The following PNLIPRP3 variants were observed in gnomAD, a reference collection of about 807,000 sequenced individuals.
PNLIPRP3 encodes the protein pancreatic lipase related protein 3.
PNLIPRP3 carries 58 observed loss-of-function variants against 52.8 expected under a neutral mutation model. The observed-to-expected ratio is 1.10, with a 90% CI of 0.89 to 1.37. The LOEUF (loss-of-function observed/expected upper bound fraction) is 1.37. Among genes scored for constraint, PNLIPRP3 ranks in the 40% most tolerant of loss-of-function variants. The pLI, the probability that PNLIPRP3 is intolerant of heterozygous loss-of-function variation, is 0.00. For synonymous variants in PNLIPRP3, 192 were observed against 185.0 expected (o/e 1.04, Z -0.31); for missense variants, 593 against 561.6 (o/e 1.06, Z -0.57).
intron 1 of PNLIPRP3, among the ~76,000 whole-genome samples, chr10:116,433,114 CAAAAAAAAAAAAAA>C (rs71010080): frequency 5.1e-3 from 43 of 8,502 alleles, no homozygotes; most frequent in East Asian, 4.6e-3. Flanking sequence ...AACTCCATCT[CAAAAAAAAAAAAAA>C]AAAAAAAAAA....
intron 7 of PNLIPRP3, among the ~76,000 whole-genome samples, chr10:116,465,235 G>A (rs764208901): frequency 6.6e-6 from 1 of 152,024 alleles, no homozygotes; most frequent in Non-Finnish European, 1.5e-5. Context: ...AGCAACATTA[G>A]ATTGGTTAAA....
intron 1 of PNLIPRP3, among the ~76,000 whole-genome samples, chr10:116,430,919 G>C (rs1013013509): frequency 6.6e-6 from 1 of 152,074 alleles, no homozygotes; most frequent in South Asian, 2.1e-4. Context: ...TATATGCAAG[G>C]TAGCTCCACT....
intron 10 of PNLIPRP3, among the ~76,000 whole-genome samples, chr10:116,476,130 C>A (rs750583937): frequency 2.0e-5 from 3 of 152,068 alleles, no homozygotes; most frequent in Non-Finnish European, 4.4e-5. Context: ...GCTCTATTGC[C>A]GTGATCAACA....
intron 4 of PNLIPRP3, among the ~76,000 whole-genome samples, chr10:116,449,659 A>AT (rs1290594490): frequency 6.6e-6 from 1 of 152,206 alleles, no homozygotes; most frequent in Non-Finnish European, 1.5e-5. Context: ...TCATTATCTG[A>AT]TTTTCAATAA....
chr10:116,469,543 C>T lies in PNLIPRP3; in HGVS notation c.1060+226C>T, dbSNP rs1448757880. 7.2e-5 allele frequency among the ~76,000 whole-genome samples: 11 copies of T among 152,272 alleles called. No individual in the cohort carries two copies. In the East Asian group the frequency reaches 2.1e-3, roughly 29 times the overall value. On this transcript the variant is annotated intron_variant, in intron 9 of 11. Transcript: ENST00000369230. The stretch of plus-strand genomic sequence containing the variant: ...AATAAACTTTCTCTTAGGAAACATT[C>T]AAGATATGTGCAGAGCATAAAGGTC...
chr10:116,442,826 T>C (rs1845877162), intron 2 of PNLIPRP3, among the ~76,000 whole-genome samples: 1 of 152,164 alleles, frequency 6.6e-6, no homozygotes, highest in Non-Finnish European at 1.5e-5. Flanking sequence ...ATGGAGTCAT[T>C]GCACTTCAGC....
chr10:116,464,580 C>G (rs12255207), intron 7 of PNLIPRP3, among the ~76,000 whole-genome samples: 20,167 of 152,224 alleles, frequency 0.13, 2,438 homozygotes, highest in African/African-American at 0.32. Context: ...TGGTTCCACA[C>G]GAGGCTGTGG....
intron 5 of PNLIPRP3, among the ~76,000 whole-genome samples, chr10:116,457,442 C>A (rs1846132040): frequency 6.6e-6 from 1 of 152,028 alleles, no homozygotes; most frequent in South Asian, 2.1e-4. Context: ...TAAAAAAATA[C>A]CTAGAAGTCC....
Position 116,473,455 on chromosome 10 carries a change from A to G in PNLIPRP3, c.1172+1576A>G, listed in dbSNP as rs185918869. On this transcript the variant is annotated intron_variant, in intron 10 of 11. Transcript: ENST00000369230. ...TTTAATACTATACAAATGTAAGCAT[A>G]TATTTTTACTTGTGCAACTCACAAA... Among the ~76,000 whole-genome samples, 4 of 152,342 alleles carry G rather than the reference A, an allele frequency of 2.6e-5. No individual in the cohort carries two copies. The East Asian group carries it at 7.7e-4, about 29-fold the overall frequency.
intron 1 of PNLIPRP3, among the ~76,000 whole-genome samples, chr10:116,430,681 T>C (rs1000848538): frequency 2.0e-5 from 3 of 152,210 alleles, no homozygotes; most frequent in African/African-American, 7.2e-5. Context: ...TACATACTTA[T>C]GTAAAATTTA....
intron 4 of PNLIPRP3, among the ~76,000 whole-genome samples, chr10:116,446,545 A>T (rs938008508): frequency 6.6e-6 from 1 of 152,146 alleles, no homozygotes; most frequent in Non-Finnish European, 1.5e-5. Flanking sequence ...TGCAAGTATA[A>T]ATCAATTGCT....
intron 4 of PNLIPRP3, among the ~76,000 whole-genome samples, chr10:116,448,100 ACT>A (rs1441622742): frequency 6.6e-6 from 1 of 152,002 alleles, no homozygotes; most frequent in Non-Finnish European, 1.5e-5. Context: ...GAAATATAAA[ACT>A]CTCTGGTAAA....
intron 11 of PNLIPRP3, 34 bp from the exon 12 acceptor site, chr10:116,477,056 A>G (rs1468672516): frequency 6.6e-7 from 1 of 1,517,862 alleles, no homozygotes; most frequent in African/African-American, 1.4e-5. Flanking sequence ...GCATCAGGTT[A>G]AAATTCCTTT....
Position 116,427,866 on chromosome 10 carries a change from A to C in PNLIPRP3, c.-147A>C, listed in dbSNP as rs1246759800. Reference sequence around the variant, plus strand: ...AATTTTATTTACTTTGCAGAGCATAAGGTGGAATAACATGTTCTTTTAAAC... The same window carrying C: ...AATTTTATTTACTTTGCAGAGCATACGGTGGAATAACATGTTCTTTTAAAC... On this transcript the variant is annotated 5_prime_UTR_variant, in exon 1 of 12. Transcript: ENST00000369230. The C allele has an allele frequency of 1.2e-5, 8 of 663,088 alleles. No homozygotes were observed. The highest frequency in any genetic ancestry group is 2.2e-5 in the Non-Finnish European group (8 of 366,958). The allele number at this position is 663,088 out of a possible 1,614,324, so 41.1% of individuals were successfully genotyped here. A position where few individuals can be genotyped will look rare whatever the true frequency, so the allele number is the denominator to read the frequency against.
intron 2 of PNLIPRP3, chr10:116,439,518 T>A: frequency 3.8e-6 from 3 of 796,784 alleles, no homozygotes; most frequent in Non-Finnish European, 6.5e-6. Context: ...TTCCACTTTT[T>A]TCCGGGCAAC....
intron 4 of PNLIPRP3, among the ~76,000 whole-genome samples, chr10:116,451,491 T>A (rs1846036984): frequency 6.6e-6 from 1 of 152,154 alleles, no homozygotes; most frequent in Admixed American, 6.5e-5. Context: ...GGTCATCAAT[T>A]TGGAGGTGGG....
chr10:116,469,100 T>C, intron 8 of PNLIPRP3, 85 bp from the exon 9 acceptor site: 1 of 1,258,124 alleles, frequency 7.9e-7, no homozygotes, highest in Non-Finnish European at 1.1e-6. Flanking sequence ...TGGAGATTTA[T>C]TATTATTTAA....
rs947247863 is a variant in PNLIPRP3, at chr10:116,427,959, T to A, written c.-54T>A. On this transcript the variant is annotated 5_prime_UTR_variant, in exon 1 of 12. Transcript: ENST00000369230. ...CTTAGTATTTTATAGTGAGGTGACT[T>A]TACAAGTAAAGATCTTCAAGAAGAT... 4 of 1,390,292 alleles carry A rather than the reference T, an allele frequency of 2.9e-6. No homozygotes were observed. Among genetic ancestry groups the A allele is most frequent in the Admixed American group, 1.7e-5 (1 of 58,214 alleles). 86.1% of individuals were successfully genotyped at this position (1,390,292 alleles called of 1,614,324 possible). A position where few individuals can be genotyped will look rare whatever the true frequency, so the allele number is the denominator to read the frequency against.
intron 5 of PNLIPRP3, among the ~76,000 whole-genome samples, chr10:116,456,093 T>C (rs545627587): frequency 6.6e-6 from 1 of 152,332 alleles, no homozygotes; most frequent in African/African-American, 2.4e-5. Flanking sequence ...GAAGCAATTA[T>C]AACACATTCC....
Sources: allele counts gnomAD v4.1 joint callset (sites outside exome capture counted in the v4.1 genomes callset), GRCh38; gene constraint gnomAD v4.1.1; transcripts MANE v1.5; gene names NCBI Gene and HGNC (gene_info 2026-07-23, HGNC 2026-07-21).